The following SPECC1L variants were observed in gnomAD, a reference collection of about 807,000 sequenced individuals.
SPECC1L encodes the protein sperm antigen with calponin homology and coiled-coil domains 1 like.
In SPECC1L, 40 loss-of-function variants were observed where a neutral mutation model predicts 116.8. The observed-to-expected ratio is 0.34, with a 90% CI of 0.27 to 0.45. The LOEUF is 0.45. Ranked by LOEUF, SPECC1L falls within the 20% of genes least tolerant of loss-of-function variation. The pLI, the probability that SPECC1L is intolerant of heterozygous loss-of-function variation, is 1.00. For synonymous variants in SPECC1L, 504 were observed against 500.6 expected (o/e 1.01, Z -0.09); for missense variants, 1,110 against 1,373.6 (o/e 0.81, Z 3.03).
chr22:24,312,743 G>C (rs2040486526), intron 3 of SPECC1L, among the ~76,000 whole-genome samples: 1 of 152,068 alleles, frequency 6.6e-6, no homozygotes, highest in South Asian at 2.1e-4. Context: ...CGATCATTTA[G>C]ACAGCAGAAC....
At chr22:24,316,443 GTC>G (rs1423553527) in intron 4 of SPECC1L, among the ~76,000 whole-genome samples, 1 of 151,116 alleles carries the variant, frequency 6.6e-6, no homozygotes, top group Admixed American at 6.6e-5. Context: ...CAGTGTTTGT[GTC>G]CCTGGGTACT....
chr22:24,324,886 G>A (rs749282238), intron 6 of SPECC1L, among the ~76,000 whole-genome samples: 2 of 152,140 alleles, frequency 1.3e-5, no homozygotes, highest in Non-Finnish European at 2.9e-5. Flanking sequence ...TTGATCCTGT[G>A]TCCATGGTAA....
chr22:24,312,256 A>G (rs2040477118), intron 3 of SPECC1L, among the ~76,000 whole-genome samples: 1 of 152,240 alleles, frequency 6.6e-6, no homozygotes, highest in Non-Finnish European at 1.5e-5. Flanking sequence ...GGCATGAGCC[A>G]CTGTGCCCAG....
intron 14 of SPECC1L, among the ~76,000 whole-genome samples, chr22:24,402,996 G>A (rs981771594): frequency 6.6e-6 from 1 of 152,150 alleles, no homozygotes; most frequent in African/African-American, 2.4e-5. Flanking sequence ...TTCCATCCTT[G>A]GTCAAGAAGC....
chr22:24,402,591 T>C (rs113740977), intron 14 of SPECC1L, among the ~76,000 whole-genome samples: 29 of 152,232 alleles, frequency 1.9e-4, no homozygotes, highest in African/African-American at 6.5e-4. Context: ...AGCTTAACAG[T>C]GTGGTGTCCT....
At chr22:24,313,573 C>A in intron 4 of SPECC1L, 107 bp downstream of exon 4, 1 of 1,303,124 alleles carries the variant, frequency 7.7e-7, no homozygotes, top group Non-Finnish European at 1.1e-6. Context: ...TTTAGACATA[C>A]AAAAGTAGAT....
At chr22:24,377,088 A>G (rs1452844615) in intron 14 of SPECC1L, among the ~76,000 whole-genome samples, 1 of 152,170 alleles carries the variant, frequency 6.6e-6, no homozygotes, top group Non-Finnish European at 1.5e-5. Flanking sequence ...TTTCCTATAA[A>G]TGGAATCACA....
chr22:24,273,256 T>C (rs1464415631), intron 1 of SPECC1L, among the ~76,000 whole-genome samples: 2 of 152,246 alleles, frequency 1.3e-5, no homozygotes, highest in East Asian at 1.9e-4. Context: ...TACTATCATA[T>C]ACATATTTAA....
intron 5 of SPECC1L, 188 bp downstream of exon 5, chr22:24,323,106 T>G: frequency 1.0e-6 from 1 of 982,414 alleles, no homozygotes; most frequent in Non-Finnish European, 1.2e-6. Context: ...TAAGATAATG[T>G]CACTTTCTCT....
intron 2 of SPECC1L, 66 bp from the exon 3 acceptor site, chr22:24,302,128 GA>G (rs1033337564): frequency 1.4e-5 from 18 of 1,274,720 alleles, no homozygotes; most frequent in Non-Finnish European, 2.0e-5. Context: ...AAAATTCTTC[GA>G]AAACAAATTT....
At chr22:24,319,941 T>C (rs1467650417) in intron 4 of SPECC1L, among the ~76,000 whole-genome samples, 1 of 152,216 alleles carries the variant, frequency 6.6e-6, no homozygotes, top group Non-Finnish European at 1.5e-5. Context: ...TATTTAAACA[T>C]ATTCCTGGCC....
At chr22:24,378,997 A>G (rs1413790571) in intron 14 of SPECC1L, among the ~76,000 whole-genome samples, 3 of 152,330 alleles carry the variant, frequency 2.0e-5, no homozygotes, top group Non-Finnish European at 2.9e-5. Flanking sequence ...CGCAGGATCC[A>G]TGAAGCACAA....
At chr22:24,412,462 TG>T in intron 15 of SPECC1L, 185 bp from the exon 16 acceptor site, 1 of 663,486 alleles carries the variant, frequency 1.5e-6, no homozygotes, top group South Asian at 1.7e-5. Context: ...GAGGGGAGGG[TG>T]GCCGGGCCTA....
chr22:24,281,653 T>C (rs559055523), intron 2 of SPECC1L, among the ~76,000 whole-genome samples: 2 of 152,376 alleles, frequency 1.3e-5, no homozygotes, highest in South Asian at 4.1e-4. Context: ...TCTTGTATCC[T>C]GAGACCTTAA....
intron 14 of SPECC1L, among the ~76,000 whole-genome samples, chr22:24,384,810 C>T (rs907237590): frequency 3.3e-5 from 5 of 152,172 alleles, no homozygotes; most frequent in African/African-American, 4.8e-5. Flanking sequence ...GGTGCGGTGG[C>T]TCACGCCTGT....
intron 12 of SPECC1L, among the ~76,000 whole-genome samples, chr22:24,365,268 A>C (rs570784588): frequency 6.6e-5 from 10 of 152,284 alleles, no homozygotes; most frequent in African/African-American, 2.2e-4. Context: ...TCGGCCTCCC[A>C]AAGTTCTGGG....
intron 4 of SPECC1L, among the ~76,000 whole-genome samples, chr22:24,314,101 A>G (rs904486939): frequency 6.6e-6 from 1 of 151,680 alleles, no homozygotes; most frequent in Non-Finnish European, 1.5e-5. Flanking sequence ...CTGGAGTGCA[A>G]TGGCATGATC....
intron 1 of SPECC1L, among the ~76,000 whole-genome samples, chr22:24,271,321 C>T (rs143567812): frequency 0.034 from 5,157 of 152,338 alleles, 174 homozygotes; most frequent in African/African-American, 0.083. Flanking sequence ...TCGTGCTTGC[C>T]TTTCCGCCGC....
chr22:24,289,132 A>G (rs1248085011), intron 2 of SPECC1L, among the ~76,000 whole-genome samples: 1 of 152,220 alleles, frequency 6.6e-6, no homozygotes, highest in Non-Finnish European at 1.5e-5. Context: ...GAGTCTGAGC[A>G]TAAAGCTGTG....
Sources: gnomAD v4.1 joint callset for allele counts (sites outside exome capture counted in the v4.1 genomes callset) on GRCh38, gnomAD v4.1.1 for gene constraint, MANE v1.5 for transcripts, NCBI Gene and HGNC (gene_info 2026-07-23, HGNC 2026-07-21) for gene names.